SPATA17: variants seen among roughly 807,000 people sequenced by gnomAD.
SPATA17 encodes spermatogenesis associated 17, also known as spermatogenesis-associated protein 17.
In SPATA17, 53 loss-of-function variants were observed where a neutral mutation model predicts 62.2. The observed-to-expected ratio is 0.85, with a 90% CI of 0.68 to 1.07. The LOEUF (loss-of-function observed/expected upper bound fraction) is 1.07. SPATA17 is among the 50% of genes least tolerant of loss of function. SPATA17 has a pLI of 0.00. For synonymous variants in SPATA17, 146 were observed against 146.8 expected (o/e 0.99, Z 0.04); for missense variants, 466 against 425.5 (o/e 1.10, Z -0.84).
At chr1:217,825,163 G>A (rs1032977199) in intron 9 of SPATA17, among the ~76,000 whole-genome samples, 4 of 151,374 alleles carry the variant, frequency 2.6e-5, no homozygotes, top group Non-Finnish European at 4.4e-5. Flanking sequence ...TAAAAGTATA[G>A]AGAAAAGCAA....
intron 9 of SPATA17, among the ~76,000 whole-genome samples, chr1:217,818,851 C>A (rs1188337980): frequency 6.9e-6 from 1 of 145,362 alleles, no homozygotes; most frequent in Admixed American, 6.9e-5. Flanking sequence ...TAACCCTTTT[C>A]TCTCTCACCC....
Position 217,782,211 on chromosome 1 carries a change from G to A in SPATA17, c.761G>A (p.Arg254His), listed in dbSNP as rs145637899. 8.1e-4 allele frequency: 1,305 copies of A among 1,610,734 alleles called. 2 individuals are homozygous for A. Among genetic ancestry groups the A allele is most frequent in the Non-Finnish European group, 9.8e-4 (1,159 of 1,178,452 alleles). The part of the protein sequence containing the change: ...FRDITEVLEQ[R>H]YRPLEPTLRV... ...GATATCACCGAAGTATTAGAACAAC[G>A]CTACAGGCCTTTGGAGCCAACGTTG... Residue 254 changes from arginine to histidine, a missense_variant, in exon 8 of 11, where the codon CGC becomes CAC. Arg to His is a conservative substitution (Grantham distance 29). Coordinates refer to ENST00000366933, the MANE Select transcript of SPATA17 (RefSeq NM_138796.4).
chr1:217,639,572 T>C (rs1670010887), intron 1 of SPATA17, among the ~76,000 whole-genome samples: 1 of 152,224 alleles, frequency 6.6e-6, no homozygotes, highest in Non-Finnish European at 1.5e-5. Context: ...ATAAGCATTA[T>C]GTTACTGTGA....
At chr1:217,772,267 A>G (rs1293453798) in intron 6 of SPATA17, among the ~76,000 whole-genome samples, 8 of 152,178 alleles carry the variant, frequency 5.3e-5, no homozygotes, top group Non-Finnish European at 1.2e-4. Flanking sequence ...TATAGTGAGA[A>G]CATGTTAACA....
chr1:217,740,095 T>C (rs963698111), intron 5 of SPATA17, among the ~76,000 whole-genome samples: 5 of 148,396 alleles, frequency 3.4e-5, no homozygotes, highest in Admixed American at 1.4e-4. Flanking sequence ...ACTTTTGATT[T>C]TGTATCCAAG....
intron 9 of SPATA17, among the ~76,000 whole-genome samples, chr1:217,810,895 C>T (rs1244269673): frequency 6.6e-6 from 1 of 152,002 alleles, no homozygotes; most frequent in Non-Finnish European, 1.5e-5. Flanking sequence ...GAAACCACCC[C>T]TATAATCCAA....
intron 5 of SPATA17, among the ~76,000 whole-genome samples, chr1:217,696,055 A>G (rs1245981771): frequency 3.3e-5 from 5 of 152,010 alleles, no homozygotes; most frequent in Non-Finnish European, 7.4e-5. Flanking sequence ...TGTTTACCTA[A>G]GCAAGCCTGG....
intron 6 of SPATA17, among the ~76,000 whole-genome samples, chr1:217,757,071 G>T (rs1438016445): frequency 6.6e-6 from 1 of 152,128 alleles, no homozygotes; most frequent in East Asian, 1.9e-4. Flanking sequence ...GGTATATTCA[G>T]TACCATCTGA....
intron 9 of SPATA17, among the ~76,000 whole-genome samples, chr1:217,825,854 A>C (rs1160220197): frequency 6.6e-6 from 1 of 152,104 alleles, no homozygotes; most frequent in African/African-American, 2.4e-5. Flanking sequence ...TTTGTTTTCC[A>C]AGAACACACT....
chr1:217,647,264 A>T lies in SPATA17; in HGVS notation c.69-1618A>T, dbSNP rs565381379. On this transcript the variant is annotated intron_variant, in intron 1 of 10. Transcript: ENST00000366933. The stretch of plus-strand genomic sequence containing the variant: ...AGTTACTAAGAAGATAGAGGCACTC[A>T]TGGGCTCTCAGCAACTATGTCATCC... Among the ~76,000 whole-genome samples, 31 of 152,320 alleles carry T rather than the reference A, an allele frequency of 2.0e-4. 3 individuals carry two copies. The South Asian group carries it at 6.4e-3, about 32-fold the overall frequency.
chr1:217,689,221 CTTTTTTTTTT>C (rs200885875), intron 5 of SPATA17, among the ~76,000 whole-genome samples: 1 of 102,592 alleles, frequency 9.7e-6, no homozygotes. Flanking sequence ...TTTATTATGT[CTTTTTTTTTT>C]TTTTTTTTTT....
At chr1:217,691,206 A>G in intron 5 of SPATA17, among the ~76,000 whole-genome samples, 1 of 147,994 alleles carries the variant, frequency 6.8e-6, no homozygotes, top group Non-Finnish European at 1.5e-5. Context: ...ATGATATCTC[A>G]TAGTGGTTTT....
chr1:217,851,550 G>A (rs530760326), intron 9 of SPATA17, among the ~76,000 whole-genome samples: 1 of 152,224 alleles, frequency 6.6e-6, no homozygotes, highest in East Asian at 1.9e-4. Context: ...CAAAAATTAA[G>A]CATAATTAAA....
chr1:217,686,849 G>C (rs1400955193), intron 5 of SPATA17, among the ~76,000 whole-genome samples: 1 of 152,138 alleles, frequency 6.6e-6, no homozygotes, highest in Admixed American at 6.5e-5. Flanking sequence ...CCTCTGAGTA[G>C]CTGGAATTAC....
At chr1:217,647,022 C>T (rs1471927422) in intron 1 of SPATA17, among the ~76,000 whole-genome samples, 1 of 152,200 alleles carries the variant, frequency 6.6e-6, no homozygotes, top group Admixed American at 6.5e-5. Context: ...GCTTTCTCCA[C>T]AGTGGTATCT....
intron 9 of SPATA17, among the ~76,000 whole-genome samples, chr1:217,837,736 T>C (rs73099212): frequency 3.4e-3 from 517 of 152,194 alleles, no homozygotes; most frequent in African/African-American, 0.012. Context: ...TCTTCACTGA[T>C]TTTGGGGGTG....
chr1:217,843,438 G>A (rs1049787114), intron 9 of SPATA17, among the ~76,000 whole-genome samples: 3 of 151,746 alleles, frequency 2.0e-5, no homozygotes, highest in African/African-American at 7.3e-5. Context: ...AAGAGAGCAA[G>A]AACCCCCATC....
intron 1 of SPATA17, among the ~76,000 whole-genome samples, chr1:217,645,999 C>A (rs1670172897): frequency 2.0e-5 from 3 of 151,960 alleles, no homozygotes; most frequent in South Asian, 4.1e-4. Flanking sequence ...TATTTAGTAT[C>A]TTTTACTGTA....
intron 9 of SPATA17, among the ~76,000 whole-genome samples, chr1:217,845,164 T>C (rs1340255188): frequency 6.6e-6 from 1 of 152,162 alleles, no homozygotes; most frequent in Non-Finnish European, 1.5e-5. Flanking sequence ...ACTTAACTTT[T>C]CTTTAGGTTC....
Sources: gnomAD v4.1 joint callset for allele counts (sites outside exome capture counted in the v4.1 genomes callset) on GRCh38, gnomAD v4.1.1 for gene constraint, MANE v1.5 for transcripts, NCBI Gene and HGNC (gene_info 2026-07-23, HGNC 2026-07-21) for gene names.